Variants in KRABD3 observed in about 807,000 individuals in gnomAD.
The protein encoded by KRABD3 is KRAB domain containing 3, also known as KRAB domain-containing protein 3.
chr7:149,725,599 G>C, the KRABD3 span: 29 of 1,167,556 alleles, frequency 2.5e-5, no homozygotes, highest in Middle Eastern at 2.3e-4. Flanking sequence ...ACACAGGCCC[G>C]TTCCCCCAGG....
chr7:149,714,986 A>G, the KRABD3 span: 2 of 1,195,412 alleles, frequency 1.7e-6, no homozygotes, highest in Middle Eastern at 3.2e-4. Flanking sequence ...GCCGCCGACG[A>G]GGGTCGCGTG....
chr7:149,722,312 G>A, the KRABD3 span: 8 of 1,479,396 alleles, frequency 5.4e-6, no homozygotes, highest in Non-Finnish European at 7.3e-6. Context: ...ACCTCGAACA[G>A]GGACTTGGGT....
At chr7:149,733,131 T>TGAAG in the KRABD3 span, 1 of 1,507,368 alleles carries the variant, frequency 6.6e-7, no homozygotes, top group East Asian at 2.3e-5. Context: ...TGAGCGCCCT[T>TGAAG]GGTTCATGGG....
chr7:149,733,372 C>T, the KRABD3 span: 7 of 1,611,896 alleles, frequency 4.3e-6, no homozygotes, highest in Middle Eastern at 3.3e-4. Context: ...TGCACAGCCT[C>T]GGTGCTGCCC....
At chr7:149,733,561 C>A in the KRABD3 span, 1 of 1,600,626 alleles carries the variant, frequency 6.2e-7, no homozygotes, top group Non-Finnish European at 8.5e-7. Flanking sequence ...GCCCTGGTCA[C>A]AGACATCTGC....
the KRABD3 span, chr7:149,719,724 A>G: frequency 6.4e-7 from 1 of 1,569,186 alleles, no homozygotes; most frequent in African/African-American, 1.4e-5. The surrounding 1 kb of genome is among the most constrained non-coding windows in gnomAD (Gnocchi z 5.6). Flanking sequence ...GGGCGGTGGA[A>G]GGGAGGCCGG....
At chr7:149,721,024 C>T in the KRABD3 span, 6 of 1,608,162 alleles carry the variant, frequency 3.7e-6, no homozygotes, top group Non-Finnish European at 4.2e-6. Flanking sequence ...CACGCAGCCT[C>T]CTCTGCACTC....
chr7:149,723,992 T>C, the KRABD3 span: 1 of 1,288,716 alleles, frequency 7.8e-7, no homozygotes, highest in Non-Finnish European at 1.1e-6. Flanking sequence ...CAGGCCCCCA[T>C]ATTGGCCTGT....
chr7:149,724,613 G>A, the KRABD3 span: 1 of 1,454,202 alleles, frequency 6.9e-7, no homozygotes, highest in Non-Finnish European at 9.2e-7. Context: ...GGTGAGTCCA[G>A]GCCTGAACCT....
At chr7:149,729,452 CCT>C in the KRABD3 span, 76 of 1,292,176 alleles carry the variant, frequency 5.9e-5, no homozygotes, top group Admixed American at 8.1e-5. Context: ...CCTCTCTGTC[CCT>C]CTGTTTCTTC....
At chr7:149,733,843 T>C in the KRABD3 span, 3 of 1,601,998 alleles carry the variant, frequency 1.9e-6, no homozygotes, top group African/African-American at 4.0e-5. Flanking sequence ...CCCTTCCCCC[T>C]TTAGTGCCTG....
At chr7:149,724,029 TCC>T in the KRABD3 span, 1 of 869,792 alleles carries the variant, frequency 1.1e-6, no homozygotes, top group Non-Finnish European at 1.8e-6. Flanking sequence ...ATGCGGGGGA[TCC>T]CCACTGTGTA....
the KRABD3 span, chr7:149,731,789 C>T: frequency 6.3e-7 from 1 of 1,589,618 alleles, no homozygotes; most frequent in Non-Finnish European, 8.6e-7. Context: ...GAACTGGTGG[C>T]TTCCCCCATT....
At chr7:149,733,198 G>C in the KRABD3 span, 2 of 1,590,696 alleles carry the variant, frequency 1.3e-6, no homozygotes, top group Non-Finnish European at 1.7e-6. Context: ...TCCTTGCTCT[G>C]GTTTTAGCCA....
At chr7:149,723,203 C>T in the KRABD3 span, among the ~76,000 whole-genome samples, 2 of 152,122 alleles carry the variant, frequency 1.3e-5, no homozygotes, top group East Asian at 3.9e-4. Context: ...ACTTGGGACC[C>T]GAGGGGAAGA....
the KRABD3 span, chr7:149,730,066 G>A: frequency 4.2e-6 from 6 of 1,420,174 alleles, no homozygotes; most frequent in Admixed American, 3.0e-5. Flanking sequence ...AAAGGGGACC[G>A]GTTCTGTGTG....
At chr7:149,717,655 A>G in the KRABD3 span, among the ~76,000 whole-genome samples, 4 of 152,100 alleles carry the variant, frequency 2.6e-5, no homozygotes, top group Non-Finnish European at 4.4e-5. Context: ...TCCGGGCCTC[A>G]GGCAGGCAGT....
At chr7:149,722,862 C>G in the KRABD3 span, 4 of 1,613,516 alleles carry the variant, frequency 2.5e-6, no homozygotes, top group Admixed American at 6.7e-5. Context: ...CCCGGCACCC[C>G]GAGACATCCC....
the KRABD3 span, chr7:149,726,021 G>A: frequency 6.2e-7 from 1 of 1,612,976 alleles, no homozygotes; most frequent in Non-Finnish European, 8.5e-7. Context: ...CCTGGATTTT[G>A]GGAGTCCTGT....
Sources: allele counts gnomAD v4.1 joint callset (sites outside exome capture counted in the v4.1 genomes callset), GRCh38; gene constraint gnomAD v4.1.1; non-coding constraint Gnocchi (gnomAD v3.1); transcripts MANE v1.5; gene names NCBI Gene and HGNC (gene_info 2026-07-23, HGNC 2026-07-21).